KMT2A: variants seen among roughly 807,000 people sequenced by gnomAD.
KMT2A encodes lysine methyltransferase 2A, also known as histone-lysine N-methyltransferase 2A.
In KMT2A, 16 loss-of-function variants were observed where a neutral mutation model predicts 345.3. That is an observed-to-expected ratio of 0.05 (90% CI 0.03 to 0.07). KMT2A has a LOEUF of 0.07. Among genes scored for constraint, KMT2A ranks in the 10% least tolerant of loss-of-function variants. KMT2A has a pLI of 1.00. For missense variants in KMT2A, 3,272 were observed against 4,841.6 expected (o/e 0.68, Z 9.62); for synonymous variants, 1,599 against 1,778.6 (o/e 0.90, Z 2.54).
intron 1 of KMT2A, among the ~76,000 whole-genome samples, chr11:118,456,218 G>A (rs968650225): frequency 3.3e-5 from 5 of 151,946 alleles, no homozygotes; most frequent in African/African-American, 1.2e-4. Context: ...AAACTTTTAG[G>A]GCCATGCATG....
chr11:118,438,579 C>A (rs959027989), intron 1 of KMT2A, among the ~76,000 whole-genome samples: 6 of 152,212 alleles, frequency 3.9e-5, no homozygotes, highest in African/African-American at 1.4e-4. Context: ...CCGTTTCCTG[C>A]GTGCTCTGCC....
chr11:118,511,788 T>A, intron 30 of KMT2A, 163 bp from the exon 31 acceptor site: 1 of 681,368 alleles, frequency 1.5e-6, no homozygotes, highest in East Asian at 2.7e-5. Flanking sequence ...CTTTCACATG[T>A]AATGAACTGA....
rs782760872 is a variant in KMT2A, at chr11:118,501,029, C to G, written c.6201C>G (p.Arg2067=). 12 of 1,613,854 alleles carry G rather than the reference C, an allele frequency of 7.4e-6. No homozygotes were observed. Reference sequence around the variant, plus strand: ...GGAGCACCACAGATGCTCGCAAGCGCTGTGTATATACATGCAAGATAGTGG... The same window carrying G: ...GGAGCACCACAGATGCTCGCAAGCGGTGTGTATATACATGCAAGATAGTGG... ...VYWSTTDARK[R]CVYTCKIVEC... The change falls in exon 25 of 36, where the codon CGC becomes CGG. Residue 2067 remains arginine, a synonymous_variant. Coordinates refer to ENST00000534358, the MANE Select transcript of KMT2A (RefSeq NM_001197104.2).
chr11:118,494,591 C>G lies in KMT2A; in HGVS notation c.5290-103C>G, dbSNP rs1950375454. 1 of 1,073,840 alleles carries G rather than the reference C, an allele frequency of 9.3e-7. No individual in the cohort carries two copies. The highest frequency in any genetic ancestry group is 1.4e-6 in the Non-Finnish European group (1 of 726,612). 66.5% of individuals were successfully genotyped at this position (1,073,840 alleles called of 1,614,324 possible). On this transcript the variant is annotated intron_variant, in intron 17 of 35. Coordinates refer to ENST00000534358, the MANE Select transcript of KMT2A (RefSeq NM_001197104.2). This position sits in a 1 kb window ranked among gnomAD's most constrained non-coding sequence, Gnocchi z 5.8. ...GTGGATGGATCTTTCTCTTGGTGGC[C>G]TGAAATTATCCTCGTATTAACAGAG... is the stretch of plus-strand genomic sequence containing the variant.
rs782789739 is a variant in KMT2A at position 118,505,275 on chromosome 11, T to C, written c.9383T>C (p.Met3128Thr). 1.2e-6 allele frequency: 2 copies of C among 1,614,238 alleles called. No individual in the cohort carries two copies. The highest frequency in any genetic ancestry group is 1.1e-5 in the South Asian group (1 of 91,082). The change falls in exon 27 of 36, where the codon ATG becomes ACG. Residue 3128 changes from methionine to threonine, a missense_variant. Around this residue, in one of 27 missense-constraint regions of KMT2A, gnomAD observed 748 missense variants for 922.2 expected, o/e 0.81. Coordinates refer to ENST00000534358, the MANE Select transcript of KMT2A (RefSeq NM_001197104.2). This position sits in a 1 kb window ranked among gnomAD's most constrained non-coding sequence, Gnocchi z 4.6. ...ACAAATACTTCAGTATTGGGACCCA[T>C]GGGAGGTGGTCTCACCCTTACCACA... ...METNTSVLGP[M>T]GGGLTLTTGL...
At position 118,510,345 on chromosome 11, in the gene KMT2A, A is replaced by C. The variant is rs1950661730; in HGVS notation, c.11071+227A>C. On this transcript the variant is annotated intron_variant, in intron 30 of 35. Coordinates refer to ENST00000534358, the MANE Select transcript of KMT2A (RefSeq NM_001197104.2). This position sits in a 1 kb window ranked among gnomAD's most constrained non-coding sequence, Gnocchi z 4.1. ...ACAGATTATGTTTTCAACATTGCACACACCTTAGCGGAGCCCCTGAGAACT... is the reference window on the plus strand; with the variant it reads ...ACAGATTATGTTTTCAACATTGCACCCACCTTAGCGGAGCCCCTGAGAACT... 6.6e-6 allele frequency among the ~76,000 whole-genome samples: 1 copy of C among 152,164 alleles called. No individual in the cohort carries two copies. Among genetic ancestry groups the C allele is most frequent in the African/African-American group, 2.4e-5 (1 of 41,454 alleles).
Position 118,493,082 on chromosome 11 carries a change from C to G in KMT2A, c.5030C>G (p.Pro1677Arg). Residue 1677 changes from proline (P) to arginine (R), a missense_variant, in exon 16 of 36, where the codon CCC becomes CGC. Physicochemically the swap from Pro to Arg is moderately radical, Grantham distance 103. Coordinates refer to ENST00000534358, the MANE Select transcript of KMT2A (RefSeq NM_001197104.2). This position sits in a 1 kb window ranked among gnomAD's most constrained non-coding sequence, Gnocchi z 5.8. ...RQAAKPPDLN[P>R]ETEESIPSRS... ...GCTGCCAAGCCTCCAGACTTAAATCCCGAGACAGAGGAGAGTATACCTTCC... is the reference window on the plus strand; with the variant it reads ...GCTGCCAAGCCTCCAGACTTAAATCGCGAGACAGAGGAGAGTATACCTTCC... 6.2e-7 allele frequency: 1 copy of G among 1,613,696 alleles called. No individual in the cohort carries two copies. Among genetic ancestry groups the G allele is most frequent in the Non-Finnish European group, 8.5e-7 (1 of 1,179,748 alleles).
Position 118,436,800 on chromosome 11 carries a change from G to C in KMT2A, c.288G>C (p.Ser96=). The C allele has an allele frequency of 6.2e-7, 1 of 1,607,540 alleles. No individual in the cohort carries two copies. The highest frequency in any genetic ancestry group is 8.5e-7 in the Non-Finnish European group (1 of 1,177,366). Reference sequence around the variant, plus strand: ...CCGCCTCGTCTTCGTCTTCGTCATCGTCCTCAGCCTCTTCAGGGCCGGCCC... The same window carrying C: ...CCGCCTCGTCTTCGTCTTCGTCATCCTCCTCAGCCTCTTCAGGGCCGGCCC... ...SSSASSSSSS[S]SSASSGPALL... The change falls in exon 1 of 36, where the codon TCG becomes TCC. Residue 96 remains serine, a synonymous_variant. Transcript: ENST00000534358. This position sits in a 1 kb window ranked among gnomAD's most constrained non-coding sequence, Gnocchi z 6.9.
intron 1 of KMT2A, chr11:118,439,169 A>AG (rs782771192): frequency 4.9e-6 from 2 of 406,264 alleles, no homozygotes; most frequent in East Asian, 7.0e-5. Context: ...AAAAAAAAAA[A>AG]AAAAGAAAAA....
rs1565303058 is a variant in KMT2A at position 118,503,154 on chromosome 11, T to C, written c.7262T>C (p.Met2421Thr). ...SNRSSIINEH[M>T]GSSSRDRRQK... ...AGATCATCCATTATCAACGAACATA[T>C]GGGATCTAGTTCCAGAGATAGGAGA... The change falls in exon 27 of 36, where the codon ATG becomes ACG. Residue 2421 changes from methionine (M) to threonine (T), a missense_variant. By Grantham distance (81) the Met-to-Thr change is moderately conservative. Around this residue, in one of 27 missense-constraint regions of KMT2A, gnomAD observed 445 missense variants for 500.9 expected, o/e 0.89. Coordinates refer to ENST00000534358, the MANE Select transcript of KMT2A (RefSeq NM_001197104.2). This position sits in a 1 kb window ranked among gnomAD's most constrained non-coding sequence, Gnocchi z 5.3. 3 of 1,613,784 alleles carry C rather than the reference T, an allele frequency of 1.9e-6. No homozygotes were observed. Among genetic ancestry groups the C allele is most frequent in the Non-Finnish European group, 1.7e-6 (2 of 1,180,014 alleles).
At position 118,501,728 on chromosome 11, in the gene KMT2A, G is replaced by T; in HGVS notation, c.6376G>T (p.Asp2126Tyr). ...TAEIISPPSP[D>Y]RPPHSQTSGS... ...TGAAATTATAAGTCCTCCATCACCA[G>T]ACCGACCTCCTCATTCACAAACCTC... Residue 2126 changes from aspartate (D) to tyrosine (Y), a missense_variant, in exon 26 of 36, where the codon GAC becomes TAC. Around this residue, in one of 27 missense-constraint regions of KMT2A, gnomAD observed 66 missense variants for 73.9 expected, o/e 0.89. Coordinates refer to ENST00000534358, the MANE Select transcript of KMT2A (RefSeq NM_001197104.2). The T allele has an allele frequency of 6.2e-7, 1 of 1,614,012 alleles. No individual in the cohort carries two copies. The highest frequency in any genetic ancestry group is 8.5e-7 in the Non-Finnish European group (1 of 1,179,954).
rs782653687 is a variant in KMT2A, at chr11:118,493,270, A to G, written c.5178+40A>G. 3.5e-5 allele frequency: 55 copies of G among 1,563,978 alleles called. No homozygotes were observed. The highest frequency in any genetic ancestry group is 4.3e-5 in the Non-Finnish European group (49 of 1,139,604). On this transcript the variant is annotated intron_variant, in intron 16 of 35. Coordinates refer to ENST00000534358, the MANE Select transcript of KMT2A (RefSeq NM_001197104.2). The surrounding 1 kb of genome is among the most constrained non-coding windows in gnomAD (Gnocchi z 5.8). The stretch of plus-strand genomic sequence containing the variant: ...TGAGCCATCAGAATTTCTAGTGCCA[A>G]TAAAGCTTCTTTGGACCTTTGGGGC...
Position 118,488,814 on chromosome 11 carries a change from T to C in KMT2A, c.4479+54T>C, listed in dbSNP as rs1401623899. Reference sequence around the variant, plus strand: ...TGGGCCTCTGTATCAGTGGGTTCTGTATCCCTGGACTCAACCAACCTTGGA... The same window carrying C: ...TGGGCCTCTGTATCAGTGGGTTCTGCATCCCTGGACTCAACCAACCTTGGA... On this transcript the variant is annotated intron_variant, in intron 11 of 35. Coordinates refer to ENST00000534358, the MANE Select transcript of KMT2A (RefSeq NM_001197104.2). 1.1e-5 allele frequency: 18 copies of C among 1,570,586 alleles called. No individual in the cohort carries two copies. The African/African-American group carries it at 2.2e-4, about 19-fold the overall frequency.
chr11:118,480,275 T>G lies in KMT2A; in HGVS notation c.3634+37T>G, dbSNP rs782702779. The G allele has an allele frequency of 5.8e-6, 9 of 1,539,242 alleles. No homozygotes were observed. In the African/African-American group the frequency reaches 9.5e-5, roughly 16 times the overall value. ...AAAAAGGTCTTCCCCCAAATGCTCC[T>G]TGCTTAAATGGTGTATAGTTGTATA... On this transcript the variant is annotated intron_variant, in intron 6 of 35. Transcript: ENST00000534358.
At chr11:118,452,556 G>T (rs1305383242) in intron 1 of KMT2A, among the ~76,000 whole-genome samples, 1 of 151,544 alleles carries the variant, frequency 6.6e-6, no homozygotes, top group Admixed American at 6.6e-5. Context: ...TTTCCCTCCT[G>T]TTAAAATGGA....
At chr11:118,467,421 G>A (rs183237345) in intron 1 of KMT2A, among the ~76,000 whole-genome samples, 1 of 151,990 alleles carries the variant, frequency 6.6e-6, no homozygotes, top group East Asian at 1.9e-4. Context: ...TGTCTTTGAA[G>A]AGGAGAATTT....
intron 1 of KMT2A, among the ~76,000 whole-genome samples, chr11:118,467,019 T>TA (rs202054321): frequency 4.0e-5 from 6 of 149,636 alleles, no homozygotes; most frequent in South Asian, 2.1e-4. Flanking sequence ...AATATGTAAT[T>TA]AAAAAAAAAA....
At chr11:118,448,238 T>G (rs547903505) in intron 1 of KMT2A, 42 of 152,328 alleles carry the variant, frequency 2.8e-4, no homozygotes, top group African/African-American at 9.9e-4. Context: ...AAATAAGTAT[T>G]TGTAGCTTTT....
chr11:118,481,639 T>A, intron 6 of KMT2A, 76 bp from the exon 7 acceptor site: 1 of 1,470,644 alleles, frequency 6.8e-7, no homozygotes, highest in Non-Finnish European at 9.1e-7. Flanking sequence ...CTGGATCATA[T>A]GGTGGCTCTG....
Sources: allele counts gnomAD v4.1 joint callset (sites outside exome capture counted in the v4.1 genomes callset), GRCh38; gene constraint gnomAD v4.1.1; regional missense constraint gnomAD v4.1.1; non-coding constraint Gnocchi (gnomAD v3.1); transcripts MANE v1.5; gene names NCBI Gene and HGNC (gene_info 2026-07-23, HGNC 2026-07-21).